The following C12orf42 variants were observed in gnomAD, a reference collection of about 807,000 sequenced individuals.
C12orf42 encodes the protein chromosome 12 open reading frame 42.
A neutral mutation model predicts 21.6 loss-of-function variants in C12orf42; 25 were observed. The observed-to-expected ratio is 1.16, with a 90% CI of 0.84 to 1.62. C12orf42 has a LOEUF of 1.62. Among genes scored for constraint, C12orf42 ranks in the 40% most tolerant of loss-of-function variants. The probability of loss-of-function intolerance (pLI) is 0.00; values close to 1 mark genes in which losing one functional copy is unlikely to be tolerated. For missense variants in C12orf42, 483 were observed against 459.3 expected (o/e 1.05, Z -0.47); for synonymous variants, 174 against 175.0 (o/e 0.99, Z 0.05).
the C12orf42 span, among the ~76,000 whole-genome samples, chr12:103,133,854 A>G: frequency 6.6e-6 from 1 of 152,202 alleles, no homozygotes; most frequent in African/African-American, 2.4e-5. Flanking sequence ...TGATGGTTTT[A>G]TAAGGGGCTT....
At chr12:103,210,449 G>A in the C12orf42 span, among the ~76,000 whole-genome samples, 2 of 151,830 alleles carry the variant, frequency 1.3e-5, no homozygotes, top group Non-Finnish European at 2.9e-5. Context: ...TCTACCACTT[G>A]CCTCTCTCCT....
the C12orf42 span, among the ~76,000 whole-genome samples, chr12:103,192,502 C>CAAAAAA: frequency 1.9e-5 from 2 of 104,506 alleles, no homozygotes; most frequent in East Asian, 2.8e-4. Flanking sequence ...GACTCCATCT[C>CAAAAAA]AAAAAAAAAA....
the C12orf42 span, among the ~76,000 whole-genome samples, chr12:103,542,601 C>G: frequency 6.6e-6 from 1 of 152,216 alleles, no homozygotes; most frequent in African/African-American, 2.4e-5. Flanking sequence ...ACTACAGGAA[C>G]AATAAGAAGT....
chr12:103,548,905 T>G, the C12orf42 span: 1 of 152,074 alleles, frequency 6.6e-6, no homozygotes, highest in East Asian at 1.9e-4. Flanking sequence ...AAGAAAAAAA[T>G]CTGAGTTCTC....
chr12:103,319,509 A>G (rs1226212467), intron 4 of C12orf42, among the ~76,000 whole-genome samples: 1 of 152,256 alleles, frequency 6.6e-6, no homozygotes, highest in African/African-American at 2.4e-5. Context: ...GAGTTTTTGC[A>G]TGCCCCTGTG....
chr12:103,224,216 C>A, the C12orf42 span, among the ~76,000 whole-genome samples: 14 of 152,264 alleles, frequency 9.2e-5, no homozygotes, highest in African/African-American at 3.1e-4. Context: ...CTGGGTGGGG[C>A]AAATCCTCGA....
At chr12:103,132,443 G>T in the C12orf42 span, among the ~76,000 whole-genome samples, 1 of 152,028 alleles carries the variant, frequency 6.6e-6, no homozygotes, top group Non-Finnish European at 1.5e-5. Context: ...ACCTCAGCAG[G>T]CCTCATAACT....
intron 1 of C12orf42, among the ~76,000 whole-genome samples, chr12:103,484,908 C>T (rs1264018094): frequency 8.1e-6 from 1 of 123,582 alleles, no homozygotes; most frequent in Non-Finnish European, 1.6e-5. Context: ...CTCTCTCTGT[C>T]GCCCAGGCTG....
At chr12:103,404,729 A>G (rs1379678140) in intron 2 of C12orf42, among the ~76,000 whole-genome samples, 6 of 152,256 alleles carry the variant, frequency 3.9e-5, no homozygotes, top group African/African-American at 1.4e-4. Flanking sequence ...TCTAATGAAA[A>G]GAAATACGGT....
Position 103,449,467 on chromosome 12 carries a change from CT to C in C12orf42, c.78+28881del, listed in dbSNP as rs557227568. ...ACTTATTCATGTAACCAAACACCCC[CT>C]GTTCCCCAAAAACATATTGAAATAA... On this transcript the variant is annotated intron_variant, in intron 2 of 5. Transcript: ENST00000548883. Among the ~76,000 whole-genome samples the C allele has an allele frequency of 1.1e-3, 160 of 151,906 alleles. 1 individual carries two copies. Among genetic ancestry groups the C allele is most frequent in the African/African-American group, 3.8e-3 (156 of 41,406 alleles).
intron 5 of C12orf42, among the ~76,000 whole-genome samples, chr12:103,276,781 A>T (rs1276135657): frequency 6.6e-6 from 1 of 152,208 alleles, no homozygotes; most frequent in Non-Finnish European, 1.5e-5. Context: ...GATGGCTGTT[A>T]TTCAGTCTAT....
chr12:103,548,415 A>G, the C12orf42 span, among the ~76,000 whole-genome samples: 1 of 152,176 alleles, frequency 6.6e-6, no homozygotes, highest in African/African-American at 2.4e-5. Context: ...ATTAAATGCC[A>G]CTCCTCCAAG....
At chr12:103,473,565 C>T (rs1039644021) in intron 2 of C12orf42, among the ~76,000 whole-genome samples, 4 of 152,188 alleles carry the variant, frequency 2.6e-5, no homozygotes, top group African/African-American at 9.6e-5. Flanking sequence ...ACAAAACTCA[C>T]AGTCCAATGC....
chr12:103,062,810 T>C, the C12orf42 span, among the ~76,000 whole-genome samples: 1 of 152,224 alleles, frequency 6.6e-6, no homozygotes, highest in South Asian at 2.1e-4. Flanking sequence ...TTTTTACATT[T>C]CTAATAATTT....
chr12:103,409,055 T>A (rs941774240), intron 2 of C12orf42, among the ~76,000 whole-genome samples: 1 of 152,184 alleles, frequency 6.6e-6, no homozygotes, highest in African/African-American at 2.4e-5. Context: ...TTTATCATGG[T>A]TACCATTTCA....
chr12:103,228,302 G>A, the C12orf42 span, among the ~76,000 whole-genome samples: 1 of 152,004 alleles, frequency 6.6e-6, no homozygotes, highest in African/African-American at 2.4e-5. Context: ...GGGCAGGAGT[G>A]GGGGTCGCAA....
the C12orf42 span, among the ~76,000 whole-genome samples, chr12:103,136,417 G>T: frequency 3.3e-5 from 5 of 152,142 alleles, no homozygotes; most frequent in East Asian, 1.9e-4. Context: ...CATGGATTGG[G>T]ATAATTAATA....
the C12orf42 span, among the ~76,000 whole-genome samples, chr12:103,130,348 A>C: frequency 6.6e-6 from 1 of 150,480 alleles, no homozygotes. Context: ...TAAAAATTCC[A>C]TACTAGATGG....
At chr12:103,406,095 G>A (rs939758584) in intron 2 of C12orf42, among the ~76,000 whole-genome samples, 2 of 152,086 alleles carry the variant, frequency 1.3e-5, no homozygotes, top group Non-Finnish European at 2.9e-5. Flanking sequence ...AGACTTCATA[G>A]GCAAAGGCAT....
Sources: gnomAD v4.1 joint callset for allele counts (sites outside exome capture counted in the v4.1 genomes callset) on GRCh38, gnomAD v4.1.1 for gene constraint, MANE v1.5 for transcripts, NCBI Gene and HGNC (gene_info 2026-07-23, HGNC 2026-07-21) for gene names.